Variants in MYO10 observed in about 807,000 individuals in gnomAD.
MYO10 encodes the protein unconventional myosin-X.
Under a neutral mutation model 257.3 loss-of-function variants are expected in MYO10, and 133 were observed. The ratio of observed to expected loss-of-function variants is 0.52; its 90% CI spans 0.45 to 0.60. The LOEUF is 0.60. MYO10 is among the 20% of genes least tolerant of loss of function. The probability of loss-of-function intolerance (pLI) is 0.00; values close to 1 mark genes in which losing one functional copy is unlikely to be tolerated. For missense variants in MYO10, 2,399 were observed against 2,635.7 expected (o/e 0.91, Z 1.97); for synonymous variants, 1,104 against 1,028.6 (o/e 1.07, Z -1.40).
intron 3 of MYO10, among the ~76,000 whole-genome samples, chr5:16,817,801 A>G (rs1171895001): frequency 6.6e-6 from 1 of 152,358 alleles, no homozygotes; most frequent in East Asian, 1.9e-4. Context: ...TTCCACAGAA[A>G]GTAAATCCCC....
chr5:16,871,852 C>T (rs1164483946), intron 2 of MYO10, among the ~76,000 whole-genome samples: 3 of 152,170 alleles, frequency 2.0e-5, no homozygotes, highest in Non-Finnish European at 4.4e-5. Context: ...TTTCTCATAA[C>T]CCCGCAATTC....
Position 16,689,852 on chromosome 5 carries a change from G to C in MYO10, c.3868C>G (p.Leu1290Val). 1 of 1,613,596 alleles carries C rather than the reference G, an allele frequency of 6.2e-7. No individual in the cohort carries two copies. The highest frequency in any genetic ancestry group is 8.5e-7 in the Non-Finnish European group (1 of 1,179,668). ...GCATCTTCTGGGGACTCTGCAATCA[G>C]GTGGAAAGTCCTATCGGCCATAATG... is the stretch of plus-strand genomic sequence containing the variant. ...DIIMADRTFH[L>V]IAESPEDASQ... Residue 1290 changes from leucine (L) to valine (V), a missense_variant, in exon 28 of 41, where the codon CTG becomes GTG. Transcript: ENST00000513610.
chr5:16,800,323 C>T (rs574811278), intron 3 of MYO10, among the ~76,000 whole-genome samples: 25 of 152,056 alleles, frequency 1.6e-4, no homozygotes, highest in Non-Finnish European at 3.4e-4. Flanking sequence ...TTTTGGAGGC[C>T]AAGGTGGGAG....
intron 19 of MYO10, among the ~76,000 whole-genome samples, chr5:16,741,277 A>G (rs1374785923): frequency 6.6e-6 from 1 of 152,254 alleles, no homozygotes; most frequent in Non-Finnish European, 1.5e-5. Flanking sequence ...AAACAAGCAC[A>G]TGATATTCAA....
At position 16,666,728 on chromosome 5, in the gene MYO10, C is replaced by G. The variant is rs574488251; in HGVS notation, c.6141G>C (p.Thr2047=). 1 of 1,607,066 alleles carries G rather than the reference C, an allele frequency of 6.2e-7. No homozygotes were observed. The highest frequency in any genetic ancestry group is 1.7e-5 in the Admixed American group (1 of 59,512). Residue 2047 remains threonine, a synonymous_variant, in exon 41 of 41, where the codon ACG becomes ACC. Transcript: ENST00000513610. Reference sequence around the variant, plus strand: ...TGCCCTGGCTGCTGGCGGAGCGTGTCGTGCTGTAGCGCTTCTTCACGATCA... The same window carrying G: ...TGCCCTGGCTGCTGGCGGAGCGTGTGGTGCTGTAGCGCTTCTTCACGATCA... The part of the protein sequence containing the change: ...ISMIVKKRYS[T]TRSASSQGSS...
intron 2 of MYO10, among the ~76,000 whole-genome samples, chr5:16,872,317 A>G (rs1268383402): frequency 6.6e-6 from 1 of 152,202 alleles, no homozygotes; most frequent in African/African-American, 2.4e-5. Context: ...GTATGAGTCC[A>G]CTCACTGAAG....
At chr5:16,787,806 T>TTG (rs151331141) in intron 4 of MYO10, among the ~76,000 whole-genome samples, 80 of 151,160 alleles carry the variant, frequency 5.3e-4, no homozygotes, top group African/African-American at 1.0e-3. Context: ...GATCGTTCTT[T>TTG]TGTGTGTGTG....
chr5:16,746,655 A>G (rs1740206254), intron 19 of MYO10, among the ~76,000 whole-genome samples: 1 of 152,192 alleles, frequency 6.6e-6, no homozygotes, highest in South Asian at 2.1e-4. Flanking sequence ...TTTATCTGCA[A>G]AAAGGCCTGG....
intron 8 of MYO10, among the ~76,000 whole-genome samples, chr5:16,779,924 C>CA (rs1741345706): frequency 1.3e-5 from 2 of 152,124 alleles, no homozygotes; most frequent in South Asian, 4.1e-4. Flanking sequence ...TTTAATGAAA[C>CA]AGAGTCTAGC....
intron 19 of MYO10, among the ~76,000 whole-genome samples, chr5:16,750,725 G>A (rs532146622): frequency 6.6e-6 from 1 of 152,300 alleles, no homozygotes; most frequent in East Asian, 1.9e-4. Flanking sequence ...ACCAGGCTCA[G>A]TGGCTCACAC....
intron 2 of MYO10, among the ~76,000 whole-genome samples, chr5:16,832,183 T>C (rs960544959): frequency 6.6e-6 from 1 of 152,154 alleles, no homozygotes; most frequent in Admixed American, 6.6e-5. Context: ...CAAAACAATC[T>C]GACCACTTCA....
intron 1 of MYO10, among the ~76,000 whole-genome samples, chr5:16,926,461 G>A (rs931412067): frequency 1.3e-5 from 2 of 152,254 alleles, no homozygotes; most frequent in Admixed American, 6.5e-5. Flanking sequence ...CAGAACTTCC[G>A]GAGGCCAAGG....
At chr5:16,806,361 A>G (rs1479490878) in intron 3 of MYO10, among the ~76,000 whole-genome samples, 1 of 151,662 alleles carries the variant, frequency 6.6e-6, no homozygotes, top group Admixed American at 6.6e-5. Context: ...TACCTCCAAA[A>G]AAAGGCCGGG....
rs61326508 is a variant in MYO10, at chr5:16,777,839, C to CTTTTTT, written c.930+1700_930+1705dup. ...GCCACCCTAGGTGCATTGCATCTAA[C>CTTTTTT]TTTTTTTTTTTTTTTTTTTTTTTTT... On this transcript the variant is annotated intron_variant, in intron 9 of 40. Transcript: ENST00000513610. Among the ~76,000 whole-genome samples, 457 of 88,464 alleles carry CTTTTTT rather than the reference C, an allele frequency of 5.2e-3. 61 individuals are homozygous for CTTTTTT. The highest frequency in any genetic ancestry group is 0.016 in the East Asian group (37 of 2,338). 58.0% of individuals were successfully genotyped at this position (88,464 alleles called of 152,430 possible).
chr5:16,861,483 A>C (rs1422371426), intron 2 of MYO10, among the ~76,000 whole-genome samples: 1 of 152,156 alleles, frequency 6.6e-6, no homozygotes, highest in African/African-American at 2.4e-5. Context: ...GAGGCAGGAG[A>C]ATCACTTGAA....
intron 2 of MYO10, among the ~76,000 whole-genome samples, chr5:16,847,504 G>A (rs758119382): frequency 2.0e-5 from 3 of 152,040 alleles, no homozygotes; most frequent in South Asian, 2.1e-4. Flanking sequence ...AGGCTGAGGC[G>A]AGAGGATCGC....
intron 29 of MYO10, among the ~76,000 whole-genome samples, chr5:16,685,223 G>GT (rs1554034349): frequency 6.6e-6 from 1 of 152,028 alleles, no homozygotes; most frequent in African/African-American, 2.4e-5. Flanking sequence ...ATTCGTTTTT[G>GT]TTGTTTGTTT....
intron 2 of MYO10, among the ~76,000 whole-genome samples, chr5:16,841,784 C>CT (rs1332125448): frequency 6.6e-6 from 1 of 152,110 alleles, no homozygotes; most frequent in Non-Finnish European, 1.5e-5. Context: ...ATTAATATGG[C>CT]TTTTTTGTAA....
At chr5:16,874,093 G>A (rs1004958204) in intron 2 of MYO10, among the ~76,000 whole-genome samples, 3 of 151,992 alleles carry the variant, frequency 2.0e-5, no homozygotes, top group Non-Finnish European at 4.4e-5. Flanking sequence ...CCAACACTTT[G>A]GGAGGCCAAC....
Sources: allele counts gnomAD v4.1 joint callset (sites outside exome capture counted in the v4.1 genomes callset), GRCh38; gene constraint gnomAD v4.1.1; transcripts MANE v1.5; gene names NCBI Gene and HGNC (gene_info 2026-07-23, HGNC 2026-07-21).